Variants in ADAMTS5 observed in about 807,000 individuals in gnomAD.
ADAMTS5 encodes the protein A disintegrin and metalloproteinase with thrombospondin motifs 5.
ADAMTS5 carries 54 observed loss-of-function variants against 81.4 expected under a neutral mutation model. The observed-to-expected ratio is 0.66, with a 90% CI of 0.53 to 0.83. ADAMTS5 has a LOEUF of 0.83. Ranked by LOEUF, ADAMTS5 falls within the 40% of genes least tolerant of loss-of-function variation. ADAMTS5 has a pLI of 0.00. For synonymous variants in ADAMTS5, 532 were observed against 508.8 expected, an observed-to-expected ratio of 1.05 and a Z score of -0.61; for missense variants, 1,194 against 1,229.9, an observed-to-expected ratio of 0.97 and a Z score of 0.44.
At chr21:26,937,568 C>T (rs756894064) in intron 3 of ADAMTS5, among the ~76,000 whole-genome samples, 6 of 152,172 alleles carry the variant, frequency 3.9e-5, no homozygotes, top group East Asian at 1.9e-4. Context: ...AGAATGGTGC[C>T]AAGAAACAGT....
rs1987682261 is a variant in ADAMTS5, at chr21:26,966,611, C to T, written c.-220G>A. 1 of 192,336 alleles carries T rather than the reference C, an allele frequency of 5.2e-6. No individual in the cohort carries two copies. Among genetic ancestry groups the T allele is most frequent in the Admixed American group, 1.1e-4 (1 of 9,026 alleles). The allele number at this position is 192,336 out of a possible 1,614,324, so 11.9% of individuals were successfully genotyped here. A position where few individuals can be genotyped will look rare whatever the true frequency, so the allele number is the denominator to read the frequency against. On this transcript the variant is annotated 5_prime_UTR_variant, in exon 1 of 8. Coordinates refer to ENST00000284987, the MANE Select transcript of ADAMTS5 (RefSeq NM_007038.5). ...TGTTGCTTGGGAAAATGTTTGGATTCGTGCTCCAGAAAGAGGTGGGGTGGG... is the reference window on the plus strand; with the variant it reads ...TGTTGCTTGGGAAAATGTTTGGATTTGTGCTCCAGAAAGAGGTGGGGTGGG...
In ADAMTS5 at chr21:26,930,008, C is replaced by A. The variant is rs774876196; in HGVS notation, c.2103G>T (p.Gly701=). ...CGTCACAGCCAGTTCTCACACACTTCCCCCGGACGCAGACGGAATTACTGT... is the reference window on the plus strand; with the variant it reads ...CGTCACAGCCAGTTCTCACACACTTACCCCGGACGCAGACGGAATTACTGT... ...RLYSNSVCVR[G]KCVRTGCDGI... is the part of the protein sequence containing the mutation. Residue 701 remains glycine, a synonymous_variant, in exon 7 of 8, where the codon GGG becomes GGT. Coordinates refer to ENST00000284987, the MANE Select transcript of ADAMTS5 (RefSeq NM_007038.5). 11 of 1,613,880 alleles carry A rather than the reference C, an allele frequency of 6.8e-6. No individual in the cohort carries two copies. The highest frequency in any genetic ancestry group is 1.3e-5 in the African/African-American group (1 of 75,000).
chr21:26,949,463 GCCA>G (rs1482343373), intron 2 of ADAMTS5, among the ~76,000 whole-genome samples: 1 of 151,946 alleles, frequency 6.6e-6, no homozygotes, highest in Middle Eastern at 3.2e-3. Flanking sequence ...ACAAGCATGA[GCCA>G]CCACACCAGC....
At chr21:26,926,041 T>C (rs1033818050) in intron 7 of ADAMTS5, among the ~76,000 whole-genome samples, 11 of 152,206 alleles carry the variant, frequency 7.2e-5, no homozygotes, top group Non-Finnish European at 1.3e-4. Flanking sequence ...AAAGGGATGT[T>C]GGAGAATTCC....
chr21:26,956,726 C>G (rs1987434523), intron 1 of ADAMTS5, among the ~76,000 whole-genome samples: 1 of 151,924 alleles, frequency 6.6e-6, no homozygotes, highest in Non-Finnish European at 1.5e-5. Context: ...TAATAAAATC[C>G]AAGAATTACA....
chr21:26,926,888 C>T (rs1178376142), intron 7 of ADAMTS5, among the ~76,000 whole-genome samples: 1 of 151,998 alleles, frequency 6.6e-6, no homozygotes, highest in Non-Finnish European at 1.5e-5. Flanking sequence ...ACCCTTGTTC[C>T]TTAGAGCTTA....
chr21:26,948,804 T>TA (rs773746464), intron 2 of ADAMTS5, among the ~76,000 whole-genome samples: 1 of 152,128 alleles, frequency 6.6e-6, no homozygotes, highest in African/African-American at 2.4e-5. Context: ...AAAAACTGTC[T>TA]AAAAAAACAT....
chr21:26,965,164 A>C (rs1987612941), intron 1 of ADAMTS5, 124 bp downstream of exon 1: 2 of 1,378,962 alleles, frequency 1.5e-6, no homozygotes, highest in Non-Finnish European at 2.0e-6. Flanking sequence ...ATTTCCTGCA[A>C]GAAGCAGTTA....
At chr21:26,960,344 A>G (rs1987505721) in intron 1 of ADAMTS5, among the ~76,000 whole-genome samples, 1 of 152,208 alleles carries the variant, frequency 6.6e-6, no homozygotes. Flanking sequence ...AATGATTGCC[A>G]TTGCACTTAA....
chr21:26,945,247 C>A (rs1987192900), intron 2 of ADAMTS5, among the ~76,000 whole-genome samples: 1 of 151,892 alleles, frequency 6.6e-6, no homozygotes, highest in African/African-American at 2.4e-5. Flanking sequence ...CTCTACACTT[C>A]CCGAAATTTT....
rs769747479 is a variant in ADAMTS5 at position 26,965,932 on chromosome 21, C to T, written c.460G>A (p.Gly154Ser). Residue 154 changes from glycine to serine, a missense_variant, in exon 1 of 8, where the codon GGC becomes AGC. Physicochemically the swap from Gly to Ser is moderately conservative, Grantham distance 56 (BLOSUM62 0). Around this residue, in one of 2 missense-constraint regions of ADAMTS5, gnomAD observed 498 missense variants for 412.3 expected, o/e 1.21. Coordinates refer to ENST00000284987, the MANE Select transcript of ADAMTS5 (RefSeq NM_007038.5). ...AVFDLCGGLD[G>S]FFAVKHARYT... ...CGCGCGTGCTTGACCGCGAAGAAGCCGTCGAGACCCCCACAGAGGTCAAAG... is the reference window on the plus strand; with the variant it reads ...CGCGCGTGCTTGACCGCGAAGAAGCTGTCGAGACCCCCACAGAGGTCAAAG... 6.2e-7 allele frequency: 1 copy of T among 1,613,794 alleles called. No individual in the cohort carries two copies. Among genetic ancestry groups the T allele is most frequent in the Non-Finnish European group, 8.5e-7 (1 of 1,179,954 alleles).
rs1986648157 is a variant in ADAMTS5 at position 26,919,476 on chromosome 21, T to TG, written c.*4576_*4577insC. On this transcript the variant is annotated 3_prime_UTR_variant, in exon 8 of 8. Transcript: ENST00000284987. ...TAACTAATGTGTATGTTAATGTCTTTTTTTTTTCAAAACCAACATCATCTA... is the reference window on the plus strand; with the variant it reads ...TAACTAATGTGTATGTTAATGTCTTTGTTTTTTTCAAAACCAACATCATCTA... 1 of 151,650 alleles carries TG rather than the reference T, an allele frequency of 6.6e-6. No homozygotes were observed. The highest frequency in any genetic ancestry group is 2.4e-5 in the African/African-American group (1 of 41,252). The allele number at this position is 151,650 out of a possible 1,614,324, so 9.4% of individuals were successfully genotyped here. A position where few individuals can be genotyped will look rare whatever the true frequency, so the allele number is the denominator to read the frequency against.
chr21:26,965,724 G>T lies in ADAMTS5; in HGVS notation c.668C>A (p.Pro223Gln). The change falls in exon 1 of 8, where the codon CCG becomes CAG. Residue 223 changes from proline (P) to glutamine (Q), a missense_variant. This residue lies in a region of ADAMTS5 where 498 missense variants were observed against 412.3 expected (regional missense o/e 1.21). Transcript: ENST00000284987. ...ASTPEAHEHA[P>Q]AHSNPSGRAA... ...GCGTCCGCTCGGGTTGCTGTGCGCC[G>T]GAGCATGCTCGTGGGCCTCCGGTGT... 1 of 1,589,658 alleles carries T rather than the reference G, an allele frequency of 6.3e-7. No homozygotes were observed. The highest frequency in any genetic ancestry group is 8.6e-7 in the Non-Finnish European group (1 of 1,169,524).
In ADAMTS5 at chr21:26,920,500, G is replaced by C. The variant is rs1195525979; in HGVS notation, c.*3553C>G. On this transcript the variant is annotated 3_prime_UTR_variant, in exon 8 of 8. Transcript: ENST00000284987. ...TCTGTAGAATCCTACAGACACTAGA[G>C]ACTAAATGATATTAATTTTAGGAGG... 6.6e-6 allele frequency: 1 copy of C among 152,068 alleles called. No individual in the cohort carries two copies. The highest frequency in any genetic ancestry group is 1.5e-5 in the Non-Finnish European group (1 of 67,982). 9.4% of individuals were successfully genotyped at this position (152,068 alleles called of 1,614,324 possible). A position where few individuals can be genotyped will look rare whatever the true frequency, so the allele number is the denominator to read the frequency against.
At position 26,965,979 on chromosome 21, in the gene ADAMTS5, C is replaced by G. The variant is rs457947; in HGVS notation, c.413G>C (p.Gly138Ala). The G allele has an allele frequency of 0.16, 257,629 of 1,612,848 alleles. 22,453 individuals are homozygous for G. Among genetic ancestry groups the G allele is most frequent in the African/African-American group, 0.24 (17,846 of 75,020 alleles). Residue 138 changes from glycine to alanine, a missense_variant, in exon 1 of 8, where the codon GGT becomes GCT. Gly to Ala is a moderately conservative substitution (Grantham distance 60). Coordinates refer to ENST00000284987, the MANE Select transcript of ADAMTS5 (RefSeq NM_007038.5). ...SHCFYRGTVDGSPRSLAVFDL... is the reference protein window; with the variant it reads ...SHCFYRGTVDASPRSLAVFDL... ...AAAGACAGCCAGAGAGCGGGGACTACCGTCCACTGTGCCCCGATAGAAGCA... is the reference window on the plus strand; with the variant it reads ...AAAGACAGCCAGAGAGCGGGGACTAGCGTCCACTGTGCCCCGATAGAAGCA...
At chr21:26,963,470 A>T (rs1987568302) in intron 1 of ADAMTS5, among the ~76,000 whole-genome samples, 1 of 151,570 alleles carries the variant, frequency 6.6e-6, no homozygotes, top group Admixed American at 6.6e-5. Flanking sequence ...TTGTGTTTAA[A>T]AATGAAAGTG....
chr21:26,956,799 C>T (rs556868290), intron 1 of ADAMTS5, among the ~76,000 whole-genome samples: 15 of 152,308 alleles, frequency 9.8e-5, no homozygotes, highest in Admixed American at 6.5e-5. Flanking sequence ...AAATGACCCT[C>T]CTCTTCTCGA....
rs1987692214 is a variant in ADAMTS5 at position 26,966,713 on chromosome 21, A to C, written c.-322T>G. Among the ~76,000 whole-genome samples, 1 of 151,976 alleles carries C rather than the reference A, an allele frequency of 6.6e-6. No individual in the cohort carries two copies. Among genetic ancestry groups the C allele is most frequent in the Non-Finnish European group, 1.5e-5 (1 of 67,994 alleles). On this transcript the variant is annotated 5_prime_UTR_variant, in exon 1 of 8. Coordinates refer to ENST00000284987, the MANE Select transcript of ADAMTS5 (RefSeq NM_007038.5). ...GCAAATACGGGAAAAGGAAAAAAAC[A>C]AAAACCAAAAAACCACCAAATGCAG...
intron 2 of ADAMTS5, among the ~76,000 whole-genome samples, chr21:26,950,015 A>G (rs931738447): frequency 6.6e-6 from 1 of 152,160 alleles, no homozygotes; most frequent in Non-Finnish European, 1.5e-5. Flanking sequence ...ACACCTTTTA[A>G]CCACACCAAA....
Sources: gnomAD v4.1 joint callset for allele counts (sites outside exome capture counted in the v4.1 genomes callset) on GRCh38, gnomAD v4.1.1 for gene constraint, gnomAD v4.1.1 regional missense constraint, MANE v1.5 for transcripts, NCBI Gene and HGNC (gene_info 2026-07-23, HGNC 2026-07-21) for gene names.